The following MTUS2 variants were observed in gnomAD, a reference collection of about 807,000 sequenced individuals.
The protein encoded by MTUS2 is microtubule-associated tumor suppressor candidate 2.
A neutral mutation model predicts 114.1 loss-of-function variants in MTUS2; 40 were observed. The observed-to-expected ratio is 0.35, with a 90% CI of 0.27 to 0.46. MTUS2 has a LOEUF of 0.46. Ranked by LOEUF, MTUS2 falls within the 20% of genes least tolerant of loss-of-function variation. MTUS2 has a pLI of 1.00. For synonymous variants in MTUS2, 688 were observed against 672.0 expected (o/e 1.02, Z -0.37); for missense variants, 1,679 against 1,705.4 (o/e 0.98, Z 0.27).
intron 8 of MTUS2, among the ~76,000 whole-genome samples, chr13:29,389,351 GTATATATGTATGCACGTGTGTGTA>G (rs1469974502): frequency 1.6e-5 from 1 of 61,034 alleles, no homozygotes; most frequent in African/African-American, 8.4e-5. Context: ...GCACGTGTGT[GTATATATGTATGCACGTGTGTGTA>G]TATATGTATA....
chr13:28,893,672 T>A (rs1188116171), intron 2 of MTUS2, among the ~76,000 whole-genome samples: 2 of 152,200 alleles, frequency 1.3e-5, no homozygotes, highest in Non-Finnish European at 2.9e-5. Flanking sequence ...GCTGGTTCCC[T>A]GGAGGAGCTG....
intron 5 of MTUS2, among the ~76,000 whole-genome samples, chr13:29,153,116 A>G (rs960817263): frequency 6.6e-6 from 1 of 152,160 alleles, no homozygotes; most frequent in African/African-American, 2.4e-5. Flanking sequence ...GATGCCTTCA[A>G]GCTAAATTGT....
At chr13:29,371,016 A>T (rs375767602) in intron 8 of MTUS2, among the ~76,000 whole-genome samples, 5 of 152,144 alleles carry the variant, frequency 3.3e-5, no homozygotes, top group Non-Finnish European at 7.3e-5. Flanking sequence ...GGCTGATTCT[A>T]TTGGGTTCCA....
chr13:29,434,376 C>T (rs1013458622), intron 8 of MTUS2, among the ~76,000 whole-genome samples: 4 of 152,266 alleles, frequency 2.6e-5, no homozygotes, highest in African/African-American at 9.6e-5. Context: ...GTTTAAATCT[C>T]CAAGACAGCC....
At chr13:29,471,748 C>CCCCCCCCG (rs565840294) in intron 9 of MTUS2, among the ~76,000 whole-genome samples, 6 of 150,080 alleles carry the variant, frequency 4.0e-5, no homozygotes, top group Non-Finnish European at 6.0e-5. Context: ...CCCAGCCCCC[C>CCCCCCCCG]CCGACACATT....
At chr13:29,343,434 G>T (rs888772637) in intron 7 of MTUS2, among the ~76,000 whole-genome samples, 2 of 151,698 alleles carry the variant, frequency 1.3e-5, no homozygotes, top group African/African-American at 4.8e-5. Context: ...TTTCTACTAT[G>T]TGCATGTAAA....
chr13:29,103,449 G>A (rs9506106), intron 5 of MTUS2, among the ~76,000 whole-genome samples: 102,137 of 152,026 alleles, frequency 0.67, 35,013 homozygotes, highest in Non-Finnish European at 0.74. Context: ...AAACATAGAA[G>A]AAGTATAGTA....
At chr13:29,105,539 C>G (rs1477493162) in intron 5 of MTUS2, among the ~76,000 whole-genome samples, 1 of 152,046 alleles carries the variant, frequency 6.6e-6, no homozygotes, top group Non-Finnish European at 1.5e-5. Flanking sequence ...CCTCTTCTTC[C>G]TCTCTTTTCA....
At chr13:29,469,355 G>A (rs188109125) in intron 9 of MTUS2, among the ~76,000 whole-genome samples, 16 of 152,246 alleles carry the variant, frequency 1.1e-4, no homozygotes, top group Non-Finnish European at 2.9e-5. Context: ...GCGGCCAGGC[G>A]TGGTGGCTCA....
chr13:29,460,637 T>C (rs1262995658), intron 9 of MTUS2, among the ~76,000 whole-genome samples: 1 of 152,230 alleles, frequency 6.6e-6, no homozygotes, highest in Non-Finnish European at 1.5e-5. Flanking sequence ...AATGAGTTTA[T>C]GAAGGGCTTC....
chr13:29,222,599 T>A (rs1895951507), intron 5 of MTUS2, among the ~76,000 whole-genome samples: 1 of 152,200 alleles, frequency 6.6e-6, no homozygotes, highest in Admixed American at 6.5e-5. Context: ...GAGGCGTAGC[T>A]GGGGCTGCAT....
intron 2 of MTUS2, among the ~76,000 whole-genome samples, chr13:29,006,510 G>A (rs948070173): frequency 6.6e-6 from 1 of 152,096 alleles, no homozygotes; most frequent in African/African-American, 2.4e-5. Flanking sequence ...ATGCTGATAA[G>A]GACACAGGAT....
chr13:29,296,084 T>G lies in MTUS2; in HGVS notation c.2806+14219T>G, dbSNP rs556442456. On this transcript the variant is annotated intron_variant, in intron 6 of 15. Transcript: ENST00000612955. ...ATACCTTGGCTGTTGTGACTGGTAC[T>G]GCTGCCATAAATTTGGGAGTGCAGA... 1.8e-3 allele frequency among the ~76,000 whole-genome samples: 280 copies of G among 152,358 alleles called. 1 individual carries two copies. Among genetic ancestry groups the G allele is most frequent in the African/African-American group, 6.4e-3 (268 of 41,592 alleles).
At chr13:29,394,218 T>C (rs1873730577) in intron 8 of MTUS2, among the ~76,000 whole-genome samples, 1 of 152,186 alleles carries the variant, frequency 6.6e-6, no homozygotes, top group Non-Finnish European at 1.5e-5. Flanking sequence ...CCTGAGAACA[T>C]GTGCCCAAGG....
In MTUS2 at chr13:28,991,118, A is replaced by G. The variant is rs111984757; in HGVS notation, c.-242-33339A>G. ...TGCTGCTGCTGGGCAGAGAAACAACATGAGGCAGGGGACCCAGTGCATGCT... is the reference window on the plus strand; with the variant it reads ...TGCTGCTGCTGGGCAGAGAAACAACGTGAGGCAGGGGACCCAGTGCATGCT... On this transcript the variant is annotated intron_variant, in intron 2 of 15. Transcript: ENST00000612955. Among the ~76,000 whole-genome samples, 462 of 152,340 alleles carry G rather than the reference A, an allele frequency of 3.0e-3. 2 individuals are homozygous for G. The highest frequency in any genetic ancestry group is 0.011 in the African/African-American group (438 of 41,592).
At chr13:29,291,419 T>C (rs1218567100) in intron 6 of MTUS2, among the ~76,000 whole-genome samples, 1 of 152,210 alleles carries the variant, frequency 6.6e-6, no homozygotes, top group Admixed American at 6.5e-5. Context: ...AAACGTTGTA[T>C]ACATTTTTGC....
chr13:28,950,465 A>G (rs967367107), intron 2 of MTUS2, among the ~76,000 whole-genome samples: 3 of 152,112 alleles, frequency 2.0e-5, no homozygotes, highest in South Asian at 2.1e-4. Context: ...AGATTTACCT[A>G]TTTTTACCTT....
At chr13:29,342,432 G>T (rs1433345632) in intron 7 of MTUS2, among the ~76,000 whole-genome samples, 2 of 151,982 alleles carry the variant, frequency 1.3e-5, no homozygotes, top group Non-Finnish European at 2.9e-5. Context: ...TGTAAAAGGG[G>T]TTGAGTTCTT....
intron 2 of MTUS2, among the ~76,000 whole-genome samples, chr13:28,849,360 G>A (rs1442003673): frequency 6.6e-6 from 1 of 152,176 alleles, no homozygotes; most frequent in Non-Finnish European, 1.5e-5. Context: ...ATCAACTCTA[G>A]CATCAGCTTT....
Sources: allele counts gnomAD v4.1 joint callset (sites outside exome capture counted in the v4.1 genomes callset), GRCh38; gene constraint gnomAD v4.1.1; transcripts MANE v1.5; gene names NCBI Gene and HGNC (gene_info 2026-07-23, HGNC 2026-07-21).